The following ZNF536 variants were observed in gnomAD, a reference collection of about 807,000 sequenced individuals.
The protein encoded by ZNF536 is zinc finger protein 536.
In ZNF536, 13 loss-of-function variants were observed where a neutral mutation model predicts 84.5. The observed-to-expected ratio is 0.15, with a 90% confidence interval of 0.10 to 0.24. ZNF536 has a LOEUF of 0.24. ZNF536 is among the 10% of genes least tolerant of loss of function. ZNF536 has a pLI of 1.00. For synonymous variants in ZNF536, 811 were observed against 742.5 expected (o/e 1.09, Z -1.50); for missense variants, 1,536 against 1,747.5 (o/e 0.88, Z 2.16).
chr19:30,582,380 T>TG (rs1021118495), intron 1 of ZNF536, among the ~76,000 whole-genome samples: 17 of 133,504 alleles, frequency 1.3e-4, no homozygotes, highest in African/African-American at 5.6e-4. Context: ...TTTCTCTTTT[T>TG]TTTTTTTTTT....
chr19:30,439,170 C>A (rs760916277), intron 1 of ZNF536, among the ~76,000 whole-genome samples: 12 of 152,084 alleles, frequency 7.9e-5, no homozygotes, highest in Non-Finnish European at 1.6e-4. Context: ...TGCACACACA[C>A]GCACACACAC....
At chr19:30,456,849 C>A (rs1422709723) in intron 2 of ZNF536, among the ~76,000 whole-genome samples, 1 of 151,948 alleles carries the variant, frequency 6.6e-6, no homozygotes. Context: ...CGAGACCAGC[C>A]TGGCCAACGT....
intron 1 of ZNF536, among the ~76,000 whole-genome samples, chr19:30,618,030 G>C (rs1806188596): frequency 6.6e-6 from 1 of 152,182 alleles, no homozygotes; most frequent in South Asian, 2.1e-4. Context: ...TATACATTGT[G>C]CTGTTTATTT....
intron 1 of ZNF536, among the ~76,000 whole-genome samples, chr19:30,400,840 G>A (rs2050016860): frequency 6.6e-6 from 1 of 152,132 alleles, no homozygotes; most frequent in African/African-American, 2.4e-5. Context: ...AGGGTTTTCT[G>A]CAGAGCAAAA....
intron 1 of ZNF536, among the ~76,000 whole-genome samples, chr19:30,265,596 T>A (rs1398258660): frequency 6.6e-6 from 1 of 152,178 alleles, no homozygotes; most frequent in Non-Finnish European, 1.5e-5. Flanking sequence ...AGAAAGGGGC[T>A]GAATTGCCTG....
intron 2 of ZNF536, among the ~76,000 whole-genome samples, chr19:30,484,543 T>G (rs1459536200): frequency 6.6e-6 from 1 of 151,896 alleles, no homozygotes; most frequent in Non-Finnish European, 1.5e-5. Context: ...GCCTGATTCT[T>G]TAATATATCA....
intron 2 of ZNF536, among the ~76,000 whole-genome samples, chr19:30,315,596 T>C (rs537793755): frequency 6.6e-6 from 1 of 152,328 alleles, no homozygotes; most frequent in Non-Finnish European, 1.5e-5. Context: ...TGTTTCAGTG[T>C]AGTTGATTTC....
intron 2 of ZNF536, among the ~76,000 whole-genome samples, chr19:30,459,961 C>T (rs2053057144): frequency 6.6e-6 from 1 of 152,158 alleles, no homozygotes; most frequent in East Asian, 1.9e-4. Flanking sequence ...CAGTGAGATT[C>T]ACGGAACTGG....
At chr19:30,281,903 G>C (rs1732676353) in intron 1 of ZNF536, among the ~76,000 whole-genome samples, 1 of 152,172 alleles carries the variant, frequency 6.6e-6, no homozygotes, top group South Asian at 2.1e-4. Context: ...TGGGGTCCCT[G>C]TGGGGGACAG....
At chr19:30,315,889 G>C (rs146595545) in intron 2 of ZNF536, among the ~76,000 whole-genome samples, 3 of 152,168 alleles carry the variant, frequency 2.0e-5, no homozygotes, top group African/African-American at 7.2e-5. Context: ...TATACATATT[G>C]TCCTGAGACT....
chr19:30,633,034 A>T (rs2048947142), intron 1 of ZNF536, among the ~76,000 whole-genome samples: 1 of 152,346 alleles, frequency 6.6e-6, no homozygotes. Flanking sequence ...CAATAAGATG[A>T]TCAAAGAGGA....
chr19:30,701,486 AAC>A (rs766334486), intron 1 of ZNF536, among the ~76,000 whole-genome samples: 32 of 139,522 alleles, frequency 2.3e-4, no homozygotes, highest in South Asian at 4.7e-4. Context: ...GACACACACA[AAC>A]ACACACACAG....
chr19:30,615,649 C>T (rs1294894134), intron 1 of ZNF536, among the ~76,000 whole-genome samples: 2 of 151,648 alleles, frequency 1.3e-5, no homozygotes, highest in African/African-American at 2.4e-5. Context: ...CCAGAAAATG[C>T]TCCGTAGAAT....
rs757486532 is a variant in ZNF536, at chr19:30,596,607, G to A, written c.169+47093G>A. Among the ~76,000 whole-genome samples, 5 of 152,196 alleles carry A rather than the reference G, an allele frequency of 3.3e-5. No homozygotes were observed. The South Asian group carries it at 6.2e-4, about 19-fold the overall frequency. On this transcript the variant is annotated intron_variant, in intron 1 of 1. Transcript: ENST00000592773. ...TAAATTATACTTGTTCAGCCCTGATGAGTTTGAACTGTTTTGCTGAAATTA... is the reference window on the plus strand; with the variant it reads ...TAAATTATACTTGTTCAGCCCTGATAAGTTTGAACTGTTTTGCTGAAATTA...
At chr19:30,569,451 T>G (rs1414432500) in intron 1 of ZNF536, among the ~76,000 whole-genome samples, 1 of 151,740 alleles carries the variant, frequency 6.6e-6, no homozygotes, top group East Asian at 1.9e-4. Context: ...CTGTGCCCTT[T>G]CCTGTGGGGG....
intron 1 of ZNF536, among the ~76,000 whole-genome samples, chr19:30,272,541 T>A (rs2025910063): frequency 6.6e-6 from 1 of 152,130 alleles, no homozygotes; most frequent in Non-Finnish European, 1.5e-5. Flanking sequence ...TACAGAGTGG[T>A]TTCACTGCCC....
chr19:30,617,174 T>A (rs1011894098), intron 1 of ZNF536, among the ~76,000 whole-genome samples: 7 of 151,210 alleles, frequency 4.6e-5, no homozygotes, highest in African/African-American at 1.7e-4. Flanking sequence ...CAGGTGGTAT[T>A]TGGTTACATG....
intron 2 of ZNF536, among the ~76,000 whole-genome samples, chr19:30,300,003 G>C (rs989086370): frequency 2.0e-4 from 31 of 152,200 alleles, no homozygotes; most frequent in African/African-American, 7.5e-4. Flanking sequence ...ATCAGTTTCT[G>C]GCAGTCAAAT....
chr19:30,559,271 C>A (rs1469080510), downstream of ZNF536, among the ~76,000 whole-genome samples: 1 of 152,200 alleles, frequency 6.6e-6, no homozygotes. Flanking sequence ...CCTTTGGAAA[C>A]TGTGATGGAT....
Sources: gnomAD v4.1 joint callset for allele counts (sites outside exome capture counted in the v4.1 genomes callset) on GRCh38, gnomAD v4.1.1 for gene constraint, MANE v1.5 for transcripts, NCBI Gene and HGNC (gene_info 2026-07-23, HGNC 2026-07-21) for gene names.